The following ADD3 variants were observed in gnomAD, a reference collection of about 807,000 sequenced individuals.
ADD3 encodes adducin 3.
A neutral mutation model predicts 80.2 loss-of-function variants in ADD3; 25 were observed. That is an observed-to-expected ratio of 0.31 (90% CI 0.23 to 0.44). The LOEUF is 0.44. ADD3 is among the 20% of genes least tolerant of loss of function. ADD3 has a pLI of 1.00. For missense variants in ADD3, 829 were observed against 847.5 expected (o/e 0.98, Z 0.27); for synonymous variants, 284 against 289.6 (o/e 0.98, Z 0.20).
chr10:110,105,775 G>C (rs1849339312), intron 2 of ADD3, among the ~76,000 whole-genome samples: 1 of 152,204 alleles, frequency 6.6e-6, no homozygotes, highest in South Asian at 2.1e-4. Flanking sequence ...AGTAAGGCCT[G>C]AGTGTTAACA....
intron 1 of ADD3, among the ~76,000 whole-genome samples, chr10:110,069,602 G>A (rs1357501282): frequency 6.6e-6 from 1 of 151,338 alleles, no homozygotes; most frequent in African/African-American, 2.4e-5. Flanking sequence ...TATACTTGAT[G>A]CTTTTAAGGA....
At chr10:110,091,414 G>C (rs956222283) in intron 1 of ADD3, among the ~76,000 whole-genome samples, 1 of 152,138 alleles carries the variant, frequency 6.6e-6, no homozygotes, top group African/African-American at 2.4e-5. Context: ...AAAACAGCCT[G>C]GTACTGGTTC....
chr10:110,121,165 T>C (rs553226825), intron 8 of ADD3, among the ~76,000 whole-genome samples: 2 of 151,996 alleles, frequency 1.3e-5, no homozygotes, highest in South Asian at 4.1e-4. Context: ...CTAATTAAAC[T>C]AAAGGCCCTA....
upstream of ADD3, among the ~76,000 whole-genome samples, chr10:110,001,185 TGGGTG>T (rs1437853108): frequency 6.6e-6 from 1 of 152,020 alleles, no homozygotes; most frequent in Non-Finnish European, 1.5e-5. Context: ...GAAGCCGAGG[TGGGTG>T]GGTCACTTGA....
chr10:110,119,822 A>T (rs193157714), intron 8 of ADD3: 1 of 344,008 alleles, frequency 2.9e-6, no homozygotes, highest in African/African-American at 2.1e-5. Flanking sequence ...TTTTTAAGTT[A>T]GTACAATTGC....
chr10:110,116,774 C>G (rs960510449), intron 4 of ADD3, among the ~76,000 whole-genome samples: 3 of 152,292 alleles, frequency 2.0e-5, no homozygotes, highest in Middle Eastern at 3.4e-3. Flanking sequence ...AAGTTTCCTC[C>G]CTGGTCTTTA....
chr10:110,038,160 G>A (rs1338340625), intron 1 of ADD3, among the ~76,000 whole-genome samples: 1 of 151,450 alleles, frequency 6.6e-6, no homozygotes, highest in East Asian at 1.9e-4. Flanking sequence ...CCCAGAGATA[G>A]CCTCTTATAT....
chr10:110,120,814 GGAACA>G (rs1473608204), intron 8 of ADD3, among the ~76,000 whole-genome samples: 1 of 152,092 alleles, frequency 6.6e-6, no homozygotes, highest in Non-Finnish European at 1.5e-5. Context: ...ATAGATAAAT[GGAACA>G]GAACGGAGCC....
At position 110,070,628 on chromosome 10, in the gene ADD3, C is replaced by T. The variant is rs1355193497; in HGVS notation, c.-29-29997C>T. Reference sequence around the variant, plus strand: ...TACAGACTAGTTTTGTTTTTGTTTTCGTTACACCTTCTATCATGCCACTGA... The same window carrying T: ...TACAGACTAGTTTTGTTTTTGTTTTTGTTACACCTTCTATCATGCCACTGA... On this transcript the variant is annotated intron_variant, in intron 1 of 14. Coordinates refer to ENST00000356080, the MANE Select transcript of ADD3 (RefSeq NM_016824.5). Among the ~76,000 whole-genome samples the T allele has an allele frequency of 5.9e-5, 9 of 152,022 alleles. 1 individual carries two copies. Among genetic ancestry groups the T allele is most frequent in the South Asian group, 4.2e-4 (2 of 4,802 alleles).
At position 110,124,372 on chromosome 10, in the gene ADD3, A is replaced by G; in HGVS notation, c.1401+98A>G. ...ATTGAAAATATTTGGAAAGTAAAAT[A>G]ATATTAAAAATATTACTGTCACTTA... On this transcript the variant is annotated intron_variant, in intron 10 of 14. Coordinates refer to ENST00000356080, the MANE Select transcript of ADD3 (RefSeq NM_016824.5). 2.3e-6 allele frequency: 3 copies of G among 1,310,900 alleles called. No homozygotes were observed. In the South Asian group the frequency reaches 4.4e-5, roughly 19 times the overall value. 81.2% of individuals were successfully genotyped at this position (1,310,900 alleles called of 1,614,324 possible). A position where few individuals can be genotyped will look rare whatever the true frequency, so the allele number is the denominator to read the frequency against.
intron 1 of ADD3, among the ~76,000 whole-genome samples, chr10:110,087,068 C>T (rs1000092340): frequency 6.6e-6 from 1 of 151,852 alleles, no homozygotes; most frequent in African/African-American, 2.4e-5. Context: ...GCTTTGTCAC[C>T]CAGGCTGGAG....
At chr10:110,118,195 T>A (rs970619208) in intron 5 of ADD3, among the ~76,000 whole-genome samples, 2 of 152,208 alleles carry the variant, frequency 1.3e-5, no homozygotes, top group Non-Finnish European at 2.9e-5. Flanking sequence ...TGACAGGAGC[T>A]ACCTTGGTTC....
rs559535382 is a variant in ADD3, at chr10:110,120,295, A to G, written c.960+731A>G. ...TGTGTCCATGTGATCTCATTGTTCA[A>G]TTCCCACCTATGAGTGAGAATATGC... is the stretch of plus-strand genomic sequence containing the variant. On this transcript the variant is annotated intron_variant, in intron 8 of 14. Coordinates refer to ENST00000356080, the MANE Select transcript of ADD3 (RefSeq NM_016824.5). Among the ~76,000 whole-genome samples, 10 of 134,952 alleles carry G rather than the reference A, an allele frequency of 7.4e-5. No homozygotes were observed. The South Asian group carries it at 1.2e-3, about 16-fold the overall frequency. The allele number at this position is 134,952 out of a possible 152,430, so 88.5% of individuals were successfully genotyped here.
At chr10:110,042,824 A>G (rs1435695416) in intron 1 of ADD3, among the ~76,000 whole-genome samples, 1 of 152,118 alleles carries the variant, frequency 6.6e-6, no homozygotes, top group South Asian at 2.1e-4. Context: ...AGTAATGGTA[A>G]AGCAGTTTGA....
intron 1 of ADD3, chr10:110,016,462 T>A (rs749584927): frequency 1.3e-5 from 2 of 152,028 alleles, no homozygotes; most frequent in African/African-American, 2.4e-5. Flanking sequence ...AACAGCCGAG[T>A]AGTGGTGAAA....
At chr10:109,997,677 C>T (rs1326948729) in intron 1 of ADD3, 3 of 152,216 alleles carry the variant, frequency 2.0e-5, no homozygotes, top group African/African-American at 7.2e-5. Flanking sequence ...TTTGGGAATG[C>T]CATTGAATTC....
intron 1 of ADD3, among the ~76,000 whole-genome samples, chr10:110,093,826 GGT>G (rs969892070): frequency 6.6e-6 from 1 of 151,766 alleles, no homozygotes; most frequent in Non-Finnish European, 1.5e-5. Flanking sequence ...ATGGTGTGTG[GGT>G]GTGTGTGTGT....
chr10:110,007,615 AGAG>A (rs1224261596), upstream of ADD3, among the ~76,000 whole-genome samples: 1 of 152,104 alleles, frequency 6.6e-6, no homozygotes, highest in African/African-American at 2.4e-5. Flanking sequence ...CACAGTCAGA[AGAG>A]GACGTTGAAA....
upstream of ADD3, among the ~76,000 whole-genome samples, chr10:110,003,506 A>G (rs1305463705): frequency 6.6e-6 from 1 of 152,162 alleles, no homozygotes; most frequent in East Asian, 1.9e-4. Context: ...GCATTTTTAC[A>G]TTTATTATCT....
Sources: gnomAD v4.1 joint callset for allele counts (sites outside exome capture counted in the v4.1 genomes callset) on GRCh38, gnomAD v4.1.1 for gene constraint, MANE v1.5 for transcripts, NCBI Gene and HGNC (gene_info 2026-07-23, HGNC 2026-07-21) for gene names.